The following MAGI1 variants were observed in gnomAD, a reference collection of about 807,000 sequenced individuals.
MAGI1 encodes the protein membrane associated guanylate kinase, WW and PDZ domain containing 1.
In MAGI1, 58 loss-of-function variants were observed where a neutral mutation model predicts 139.9. The observed-to-expected ratio is 0.41, with a 90% CI of 0.34 to 0.52. The LOEUF (loss-of-function observed/expected upper bound fraction) is 0.52, where lower values mean the gene tolerates loss of function less well. Among genes scored for constraint, MAGI1 ranks in the 20% least tolerant of loss-of-function variants. MAGI1 has a pLI of 0.12. For missense variants in MAGI1, 1,874 were observed against 1,901.6 expected (o/e 0.99, Z 0.27); for synonymous variants, 812 against 737.9 (o/e 1.10, Z -1.63).
chr3:65,757,615 G>A (rs1338869546), intron 1 of MAGI1, among the ~76,000 whole-genome samples: 1 of 152,162 alleles, frequency 6.6e-6, no homozygotes, highest in Admixed American at 6.5e-5. Context: ...TCCAGCCTGG[G>A]CAACAGAGCC....
rs139898270 is a variant in MAGI1 at position 65,692,227 on chromosome 3, CA to C, written c.314-70140del. ...ACTCTCAATGTTAGAACATGCGATACAAAATCCATGTTTTAAATGTTTCAAT... is the reference window on the plus strand; with the variant it reads ...ACTCTCAATGTTAGAACATGCGATACAAATCCATGTTTTAAATGTTTCAAT... On this transcript the variant is annotated intron_variant, in intron 1 of 22. Coordinates refer to ENST00000402939, the MANE Select transcript of MAGI1 (RefSeq NM_001033057.2). Among the ~76,000 whole-genome samples the C allele has an allele frequency of 5.8e-3, 887 of 152,254 alleles. 5 individuals carry two copies. Among genetic ancestry groups the C allele is most frequent in the African/African-American group, 0.02 (828 of 41,550 alleles).
intron 2 of MAGI1, among the ~76,000 whole-genome samples, chr3:65,613,742 C>T (rs1489472211): frequency 6.6e-6 from 1 of 152,094 alleles, no homozygotes; most frequent in East Asian, 1.9e-4. Context: ...GCTAAATCAT[C>T]CAATTATTAA....
At chr3:65,758,079 G>T (rs779980488) in intron 1 of MAGI1, among the ~76,000 whole-genome samples, 5 of 152,072 alleles carry the variant, frequency 3.3e-5, no homozygotes, top group South Asian at 2.1e-4. Context: ...AAATTAACTG[G>T]GTTCTAACCA....
chr3:65,701,020 A>C (rs1260310843), intron 1 of MAGI1, among the ~76,000 whole-genome samples: 1 of 152,184 alleles, frequency 6.6e-6, no homozygotes, highest in African/African-American at 2.4e-5. Flanking sequence ...CAGGGGGCTC[A>C]TTACCAACTT....
chr3:65,472,551 C>T (rs1950615599), intron 4 of MAGI1, among the ~76,000 whole-genome samples: 1 of 152,208 alleles, frequency 6.6e-6, no homozygotes, highest in African/African-American at 2.4e-5. Flanking sequence ...TTGGGAATTA[C>T]TCTACCTGCT....
chr3:65,919,580 AAAAC>A (rs200651302), intron 1 of MAGI1, among the ~76,000 whole-genome samples: 11,091 of 151,910 alleles, frequency 0.073, 528 homozygotes, highest in Middle Eastern at 0.11. Context: ...ACAAAAAGAA[AAAAC>A]AAACAAACAA....
At chr3:65,932,203 T>C (rs73122169) in intron 1 of MAGI1, among the ~76,000 whole-genome samples, 4,607 of 152,238 alleles carry the variant, frequency 0.03, 105 homozygotes, top group Non-Finnish European at 0.047. Context: ...TCTTGCACAT[T>C]TTCTCTCCCA....
chr3:65,458,742 T>C (rs961586201), intron 5 of MAGI1, among the ~76,000 whole-genome samples: 1 of 152,212 alleles, frequency 6.6e-6, no homozygotes, highest in Non-Finnish European at 1.5e-5. Flanking sequence ...TGCAAATATT[T>C]TCTCCCATTC....
chr3:65,367,828 A>G (rs1941583206), intron 18 of MAGI1, among the ~76,000 whole-genome samples: 2 of 152,192 alleles, frequency 1.3e-5, no homozygotes, highest in Non-Finnish European at 2.9e-5. Context: ...CATTCCTTTC[A>G]AAAAAGAAAT....
chr3:65,667,731 T>A (rs1174002608), intron 1 of MAGI1, among the ~76,000 whole-genome samples: 5 of 152,060 alleles, frequency 3.3e-5, no homozygotes, highest in Non-Finnish European at 7.4e-5. Flanking sequence ...ACTCAGCTAA[T>A]ATTTGCATTT....
chr3:65,415,884 A>T (rs1946177917), intron 12 of MAGI1, among the ~76,000 whole-genome samples: 1 of 152,154 alleles, frequency 6.6e-6, no homozygotes, highest in East Asian at 1.9e-4. Flanking sequence ...TTCCTCCTTT[A>T]GTTACCAAAG....
At chr3:65,372,060 A>C (rs1396378517) in intron 18 of MAGI1, 1 of 202,188 alleles carries the variant, frequency 4.9e-6, no homozygotes, top group Non-Finnish European at 1.1e-5. Context: ...GGCATCTAGA[A>C]GGGTGAATTT....
At chr3:65,404,329 C>T (rs1945155914) in intron 12 of MAGI1, among the ~76,000 whole-genome samples, 1 of 152,218 alleles carries the variant, frequency 6.6e-6, no homozygotes. Context: ...AGGTCTGTTT[C>T]CTCTGAGGAA....
chr3:65,424,318 T>C (rs1203762904), intron 12 of MAGI1, among the ~76,000 whole-genome samples: 1 of 151,676 alleles, frequency 6.6e-6, no homozygotes, highest in Non-Finnish European at 1.5e-5. Flanking sequence ...TCTTCCATTG[T>C]GACTGGTGGA....
intron 13 of MAGI1, among the ~76,000 whole-genome samples, chr3:65,391,945 C>T (rs769277378): frequency 2.0e-5 from 3 of 152,170 alleles, no homozygotes; most frequent in Non-Finnish European, 2.9e-5. Context: ...GTAGAAATTA[C>T]TAATATATGA....
At chr3:65,426,848 A>G (rs1947080610) in intron 12 of MAGI1, among the ~76,000 whole-genome samples, 1 of 152,198 alleles carries the variant, frequency 6.6e-6, no homozygotes, top group Non-Finnish European at 1.5e-5. Flanking sequence ...TATTTTAAAG[A>G]CTGCTGATGT....
intron 1 of MAGI1, among the ~76,000 whole-genome samples, chr3:65,998,831 G>A (rs2066593591): frequency 6.6e-6 from 1 of 152,106 alleles, no homozygotes; most frequent in African/African-American, 2.4e-5. Context: ...ATGAGGCTAT[G>A]AACTTTTAAG....
intron 2 of MAGI1, among the ~76,000 whole-genome samples, chr3:65,510,076 G>C (rs2077503857): frequency 6.6e-6 from 1 of 151,986 alleles, no homozygotes; most frequent in East Asian, 1.9e-4. Flanking sequence ...TATTCCAACA[G>C]ACCTGCAGCT....
At chr3:65,506,074 C>A (rs1276843314) in intron 2 of MAGI1, among the ~76,000 whole-genome samples, 1 of 152,104 alleles carries the variant, frequency 6.6e-6, no homozygotes, top group Non-Finnish European at 1.5e-5. Context: ...TTGCAGGGAT[C>A]TAAAGCTCTT....
Sources: gnomAD v4.1 joint callset for allele counts (sites outside exome capture counted in the v4.1 genomes callset) on GRCh38, gnomAD v4.1.1 for gene constraint, MANE v1.5 for transcripts, NCBI Gene and HGNC (gene_info 2026-07-23, HGNC 2026-07-21) for gene names.